The following DMGDH variants were observed in gnomAD, a reference collection of about 807,000 sequenced individuals.
DMGDH encodes dimethylglycine dehydrogenase, mitochondrial.
Under a neutral mutation model 95.2 loss-of-function variants are expected in DMGDH, and 76 were observed. That is an observed-to-expected ratio of 0.80 (90% confidence interval 0.66 to 0.97). DMGDH has a LOEUF of 0.97. Among genes scored for constraint, DMGDH ranks in the 50% least tolerant of loss-of-function variants. The pLI is 0.00. For missense variants in DMGDH, 987 were observed against 1,055.0 expected, an observed-to-expected ratio of 0.94 and a Z score of 0.89; for synonymous variants, 345 against 377.6, an observed-to-expected ratio of 0.91 and a Z score of 1.00.
At chr5:79,030,239 C>T (rs971679548) in intron 10 of DMGDH, among the ~76,000 whole-genome samples, 10 of 152,164 alleles carry the variant, frequency 6.6e-5, no homozygotes, top group African/African-American at 2.4e-4. Flanking sequence ...AACTATTTGC[C>T]ATTAAAAAGC....
intron 14 of DMGDH, among the ~76,000 whole-genome samples, chr5:79,023,248 T>C (rs537605804): frequency 4.6e-5 from 7 of 152,300 alleles, no homozygotes; most frequent in Admixed American, 1.3e-4. Flanking sequence ...TTTACAACCA[T>C]CTAGGGCAGG....
At chr5:79,005,474 G>A in intron 14 of DMGDH, 67 bp from the exon 15 acceptor site, 2 of 1,602,864 alleles carry the variant, frequency 1.2e-6, no homozygotes, top group East Asian at 2.2e-5. Context: ...AGAGATGCAA[G>A]CATTTAAATT....
intron 1 of DMGDH, among the ~76,000 whole-genome samples, chr5:79,064,410 G>A (rs1298029427): frequency 1.3e-5 from 2 of 151,952 alleles, no homozygotes; most frequent in Non-Finnish European, 2.9e-5. Flanking sequence ...ACTTTACCAT[G>A]AATCAAGCTT....
chr5:79,059,092 C>T (rs1354973793), intron 2 of DMGDH, among the ~76,000 whole-genome samples: 1 of 152,188 alleles, frequency 6.6e-6, no homozygotes, highest in African/African-American at 2.4e-5. Flanking sequence ...AGATCATAAA[C>T]ACACAAAACA....
chr5:79,064,706 G>T, intron 1 of DMGDH, among the ~76,000 whole-genome samples: 1 of 151,354 alleles, frequency 6.6e-6, no homozygotes, highest in Non-Finnish European at 1.5e-5. Context: ...TCCTTATTCT[G>T]GAACCTTTTT....
Position 78,998,051 on chromosome 5 carries a change from T to C in DMGDH, c.*31A>G, listed in dbSNP as rs1214550698. 21 of 1,609,902 alleles carry C rather than the reference T, an allele frequency of 1.3e-5. No individual in the cohort carries two copies. Among genetic ancestry groups the C allele is most frequent in the Non-Finnish European group, 1.8e-5 (21 of 1,176,160 alleles). On this transcript the variant is annotated 3_prime_UTR_variant, in exon 16 of 16. Transcript: ENST00000255189. ...AATTTCAAGGACAGTCATTAGCAAC[T>C]CTAATTCAGTTGACTGCTGAAGGTC... is the stretch of plus-strand genomic sequence containing the variant.
intron 12 of DMGDH, among the ~76,000 whole-genome samples, 199 bp downstream of exon 12, chr5:79,028,234 T>A (rs931043329): frequency 6.6e-6 from 1 of 151,616 alleles, no homozygotes; most frequent in East Asian, 1.9e-4. Context: ...AGATGAGGAG[T>A]GAATAGACAG....
At chr5:79,028,144 C>CT (rs142106284) in intron 12 of DMGDH, among the ~76,000 whole-genome samples, 49,077 of 150,768 alleles carry the variant, frequency 0.33, 8,590 homozygotes, top group African/African-American at 0.46. Flanking sequence ...CCAGCCCCCA[C>CT]TTTTTTTTTA....
At chr5:79,028,786 T>TCTG in intron 11 of DMGDH, 136 bp from the exon 12 acceptor site, 1 of 988,890 alleles carries the variant, frequency 1.0e-6, no homozygotes, top group Non-Finnish European at 1.5e-6. Flanking sequence ...GAAATCACAC[T>TCTG]GATTTTTAAA....
chr5:79,029,612 A>G (rs1754096974), intron 11 of DMGDH, among the ~76,000 whole-genome samples: 1 of 152,250 alleles, frequency 6.6e-6, no homozygotes, highest in Admixed American at 6.5e-5. Flanking sequence ...CTTGCAAAAT[A>G]TTAAGAGAAT....
At chr5:79,018,867 CTTTAG>C (rs1029221661) in intron 14 of DMGDH, among the ~76,000 whole-genome samples, 4 of 152,114 alleles carry the variant, frequency 2.6e-5, no homozygotes, top group Non-Finnish European at 4.4e-5. Flanking sequence ...GATTCAATGG[CTTTAG>C]TTTAATGTAT....
At chr5:79,026,848 A>G (rs3797538) in intron 12 of DMGDH, among the ~76,000 whole-genome samples, 49,644 of 151,950 alleles carry the variant, frequency 0.33, 8,790 homozygotes, top group African/African-American at 0.47. Context: ...AGACTATAAT[A>G]CAGGAATTAA....
intron 5 of DMGDH, among the ~76,000 whole-genome samples, chr5:79,048,946 C>T (rs769598735): frequency 6.6e-6 from 1 of 152,158 alleles, no homozygotes; most frequent in Middle Eastern, 3.4e-3. Flanking sequence ...CCACAAGTTT[C>T]AGCAAAGAAA....
intron 7 of DMGDH, among the ~76,000 whole-genome samples, chr5:79,041,899 C>T (rs1754520239): frequency 6.6e-6 from 1 of 152,164 alleles, no homozygotes; most frequent in African/African-American, 2.4e-5. Flanking sequence ...ACTGAGGAGG[C>T]TGAGGCAGGA....
At chr5:79,062,015 G>A (rs1285311488) in intron 2 of DMGDH, among the ~76,000 whole-genome samples, 1 of 152,182 alleles carries the variant, frequency 6.6e-6, no homozygotes, top group African/African-American at 2.4e-5. Context: ...TATGCCCTCA[G>A]TAACAATTCA....
At chr5:79,063,925 T>C (rs1313343796) in intron 1 of DMGDH, 138 bp from the exon 2 acceptor site, 3 of 977,936 alleles carry the variant, frequency 3.1e-6, no homozygotes, top group Non-Finnish European at 1.6e-6. Context: ...ATTTAATAAT[T>C]TGGAGCATCT....
chr5:79,039,942 C>A (rs769964222), intron 7 of DMGDH, among the ~76,000 whole-genome samples: 1 of 151,434 alleles, frequency 6.6e-6, no homozygotes, highest in Non-Finnish European at 1.5e-5. Flanking sequence ...GCCCCACCCA[C>A]CCCTAACCCC....
At chr5:79,029,017 C>G (rs550445088) in intron 11 of DMGDH, among the ~76,000 whole-genome samples, 223 of 152,294 alleles carry the variant, frequency 1.5e-3, no homozygotes, top group African/African-American at 5.3e-3. Flanking sequence ...TACCTGTACA[C>G]AGGAGGCACA....
At chr5:79,062,975 A>G (rs79590047) in intron 2 of DMGDH, among the ~76,000 whole-genome samples, 10,821 of 152,064 alleles carry the variant, frequency 0.071, 861 homozygotes, top group African/African-American at 0.18. Context: ...ACCTGTAGTC[A>G]CAGCTACTCG....
Sources: allele counts gnomAD v4.1 joint callset (sites outside exome capture counted in the v4.1 genomes callset), GRCh38; gene constraint gnomAD v4.1.1; transcripts MANE v1.5; gene names NCBI Gene and HGNC (gene_info 2026-07-23, HGNC 2026-07-21).